Variants in ASCC3 observed in about 807,000 individuals in gnomAD.
The protein encoded by ASCC3 is activating signal cointegrator 1 complex subunit 3.
ASCC3 carries 158 observed loss-of-function variants against 256.3 expected under a neutral mutation model. The ratio of observed to expected loss-of-function variants is 0.62; its 90% confidence interval spans 0.54 to 0.70. The LOEUF (loss-of-function observed/expected upper bound fraction) is 0.70, where lower values mean the gene tolerates loss of function less well. Ranked by LOEUF, ASCC3 falls within the 30% of genes least tolerant of loss-of-function variation. ASCC3 has a pLI of 0.00. For missense variants in ASCC3, 2,259 were observed against 2,626.0 expected, an observed-to-expected ratio of 0.86 and a Z score of 3.05; for synonymous variants, 948 against 883.4, an observed-to-expected ratio of 1.07 and a Z score of -1.30.
intron 10 of ASCC3, among the ~76,000 whole-genome samples, chr6:100,743,066 AGGCTCT>A (rs1343876385): frequency 6.6e-6 from 1 of 152,138 alleles, no homozygotes; most frequent in Non-Finnish European, 1.5e-5. Flanking sequence ...ATCAGACCCA[AGGCTCT>A]GGTAGAGTGG....
At chr6:100,540,014 T>C in intron 37 of ASCC3, 149 bp downstream of exon 37, 1 of 763,920 alleles carries the variant, frequency 1.3e-6, no homozygotes. Flanking sequence ...GCTTTTACTT[T>C]GGAAATTCTT....
At chr6:100,687,037 C>CACACACACAT in intron 13 of ASCC3, among the ~76,000 whole-genome samples, 1 of 106,722 alleles carries the variant, frequency 9.4e-6, no homozygotes, top group South Asian at 3.1e-4. Flanking sequence ...CTCTCTCTCA[C>CACACACACAT]ACACACACAC....
rs895721961 is a variant in ASCC3, at chr6:100,864,306, C to T, written c.91-92G>A. ...ATATATTTTGCATTACATTATACAA[C>T]TTGGTACTACCCACAAGAATTCAAA... is the stretch of plus-strand genomic sequence containing the variant. On this transcript the variant is annotated intron_variant, in intron 2 of 41. Coordinates refer to ENST00000369162, the MANE Select transcript of ASCC3 (RefSeq NM_006828.4). The T allele has an allele frequency of 2.7e-6, 3 of 1,128,388 alleles. No homozygotes were observed. In the South Asian group the frequency reaches 4.2e-5, roughly 16 times the overall value. The allele number at this position is 1,128,388 out of a possible 1,614,324, so 69.9% of individuals were successfully genotyped here.
At chr6:100,761,968 C>T (rs1172775140) in intron 10 of ASCC3, among the ~76,000 whole-genome samples, 3 of 152,096 alleles carry the variant, frequency 2.0e-5, no homozygotes, top group African/African-American at 7.2e-5. Context: ...TAGGAAAAAT[C>T]CCCTTGAAAG....
rs77803931 is a variant in ASCC3, at chr6:100,510,183, G to A, written c.6286-76C>T. On this transcript the variant is annotated intron_variant, in intron 40 of 41. Transcript: ENST00000369162. ...ACCACTTGGTTGTGGTTAAGGCTAC[G>A]TTGTCTTACTTGAAGGCCATACATC... 2,406 of 1,501,278 alleles carry A rather than the reference G, an allele frequency of 1.6e-3. 43 individuals are homozygous for A. The African/African-American group carries it at 0.028, about 17-fold the overall frequency. The allele number at this position is 1,501,278 out of a possible 1,614,324, so 93.0% of individuals were successfully genotyped here.
intron 8 of ASCC3, among the ~76,000 whole-genome samples, chr6:100,787,609 A>T (rs1349171086): frequency 6.6e-6 from 1 of 152,144 alleles, no homozygotes; most frequent in Non-Finnish European, 1.5e-5. Flanking sequence ...AGCTTCAGTA[A>T]TCCAGACAGC....
chr6:100,763,927 A>G (rs1364814968), intron 10 of ASCC3, among the ~76,000 whole-genome samples: 2 of 152,036 alleles, frequency 1.3e-5, no homozygotes, highest in Non-Finnish European at 2.9e-5. Context: ...GCTTGGCCAG[A>G]GTCTGCAGGA....
At chr6:100,518,496 G>C (rs1317524349) in intron 37 of ASCC3, among the ~76,000 whole-genome samples, 1 of 152,094 alleles carries the variant, frequency 6.6e-6, no homozygotes, top group East Asian at 1.9e-4. Flanking sequence ...AACATTAGCA[G>C]CTGAATTTAA....
intron 14 of ASCC3, among the ~76,000 whole-genome samples, chr6:100,669,057 T>C (rs1471526170): frequency 6.6e-6 from 1 of 151,486 alleles, no homozygotes; most frequent in Non-Finnish European, 1.5e-5. Context: ...AGTGTTTATT[T>C]AGAAAACTGA....
chr6:100,743,534 A>C (rs1304820522), intron 10 of ASCC3, among the ~76,000 whole-genome samples: 3 of 152,102 alleles, frequency 2.0e-5, no homozygotes, highest in African/African-American at 7.2e-5. Context: ...ATCTCCCATA[A>C]GGCAACAACT....
intron 13 of ASCC3, among the ~76,000 whole-genome samples, chr6:100,683,188 C>T (rs1448759388): frequency 6.6e-6 from 1 of 152,066 alleles, no homozygotes; most frequent in Admixed American, 6.6e-5. Context: ...AACTAATAAG[C>T]CCCAACATTA....
At chr6:100,825,273 ATTT>A (rs71028036) in intron 4 of ASCC3, among the ~76,000 whole-genome samples, 90 of 141,366 alleles carry the variant, frequency 6.4e-4, no homozygotes, top group Middle Eastern at 3.7e-3. Context: ...TTCTTTTGTG[ATTT>A]TTTTTTTTTT....
chr6:100,509,867 G>C (rs1419327642), intron 41 of ASCC3, 65 bp downstream of exon 41: 1 of 1,507,432 alleles, frequency 6.6e-7, no homozygotes, highest in Admixed American at 1.8e-5. Context: ...CAGCCTGGGC[G>C]ACAGAGCGAG....
chr6:100,515,889 C>T (rs2114609876), intron 39 of ASCC3, among the ~76,000 whole-genome samples: 1 of 152,202 alleles, frequency 6.6e-6, no homozygotes, highest in African/African-American at 2.4e-5. Context: ...CTCATAATGC[C>T]AATACCACTA....
intron 34 of ASCC3, 28 bp downstream of exon 34, chr6:100,601,782 A>T (rs760790067): frequency 6.2e-7 from 1 of 1,609,894 alleles, no homozygotes; most frequent in South Asian, 1.1e-5. Context: ...GGCAAAACAG[A>T]AAGGTATATA....
chr6:100,657,118 T>C (rs1317020889), intron 16 of ASCC3, among the ~76,000 whole-genome samples: 1 of 151,272 alleles, frequency 6.6e-6, no homozygotes, highest in East Asian at 1.9e-4. Flanking sequence ...ATCTATAATT[T>C]TCATTATAAT....
At position 100,848,667 on chromosome 6, in the gene ASCC3, A is replaced by G. The variant is rs1251504763; in HGVS notation, c.282T>C (p.Ala94=). The G allele has an allele frequency of 5.0e-6, 8 of 1,613,694 alleles. No homozygotes were observed. In the African/African-American group the frequency reaches 1.1e-4, roughly 22 times the overall value. Reference sequence around the variant, plus strand: ...AGTGAAATGTCATGAAGAGAAATGCAGCCCCACTTTCAATTGCTTCTCTCC... The same window carrying G: ...AGTGAAATGTCATGAAGAGAAATGCGGCCCCACTTTCAATTGCTTCTCTCC... ...DNGREAIESG[A]AFLFMTFHLK... Residue 94 remains alanine (A), a synonymous_variant, in exon 4 of 42, where the codon GCT becomes GCC. Coordinates refer to ENST00000369162, the MANE Select transcript of ASCC3 (RefSeq NM_006828.4).
chr6:100,868,084 G>T, intron 1 of ASCC3, 46 bp from the exon 2 acceptor site: 1 of 1,074,512 alleles, frequency 9.3e-7, no homozygotes, highest in Non-Finnish European at 1.4e-6. Flanking sequence ...AGAGGTGGCA[G>T]AGGTAATCAA....
chr6:100,842,133 T>C (rs1772172818), intron 4 of ASCC3, among the ~76,000 whole-genome samples: 2 of 152,228 alleles, frequency 1.3e-5, no homozygotes, highest in Admixed American at 6.5e-5. Context: ...CTGGCTGATA[T>C]GATATCATAG....
Sources: gnomAD v4.1 joint callset for allele counts (sites outside exome capture counted in the v4.1 genomes callset) on GRCh38, gnomAD v4.1.1 for gene constraint, MANE v1.5 for transcripts, NCBI Gene and HGNC (gene_info 2026-07-23, HGNC 2026-07-21) for gene names.